LOC128462377: variants seen among roughly 807,000 people sequenced by gnomAD.
At chr16:89,406,415 C>T in the LOC128462377 span, among the ~76,000 whole-genome samples, 25 of 152,184 alleles carry the variant, frequency 1.6e-4, no homozygotes, top group African/African-American at 3.6e-4. Flanking sequence ...CTGAGACTTG[C>T]GGTCAGTCCT....
the LOC128462377 span, among the ~76,000 whole-genome samples, chr16:89,382,239 A>G: frequency 6.6e-6 from 1 of 152,124 alleles, no homozygotes; most frequent in South Asian, 2.1e-4. Context: ...GAGTGACCCA[A>G]GCAAAGTTAA....
the LOC128462377 span, among the ~76,000 whole-genome samples, chr16:89,355,273 G>C: frequency 1.3e-4 from 19 of 151,314 alleles, no homozygotes; most frequent in Non-Finnish European, 1.5e-5. Context: ...GGCGGGCAGA[G>C]GGCTCACACC....
At chr16:89,365,200 T>G in the LOC128462377 span, among the ~76,000 whole-genome samples, 7 of 152,226 alleles carry the variant, frequency 4.6e-5, no homozygotes, top group African/African-American at 9.7e-5. Context: ...ACTATCTTGT[T>G]GGCTGGTCAG....
At chr16:89,415,087 C>G in the LOC128462377 span, among the ~76,000 whole-genome samples, 1 of 151,736 alleles carries the variant, frequency 6.6e-6, no homozygotes, top group South Asian at 2.1e-4. Flanking sequence ...GTAGCTGAGA[C>G]CACAGGCGCA....
At chr16:89,407,969 C>G in the LOC128462377 span, among the ~76,000 whole-genome samples, 1 of 151,374 alleles carries the variant, frequency 6.6e-6, no homozygotes, top group African/African-American at 2.4e-5. Flanking sequence ...AAGTAAAGAA[C>G]AAACACATCT....
At chr16:89,327,372 G>A in the LOC128462377 span, among the ~76,000 whole-genome samples, 1 of 152,194 alleles carries the variant, frequency 6.6e-6, no homozygotes, top group Non-Finnish European at 1.5e-5. Context: ...AGAGTGACGT[G>A]CTGAGGGCTG....
the LOC128462377 span, among the ~76,000 whole-genome samples, chr16:89,345,023 C>T: frequency 5.3e-5 from 8 of 152,288 alleles, no homozygotes; most frequent in South Asian, 1.2e-3. Flanking sequence ...GCAGGAGGAA[C>T]GGCAAGGCCA....
the LOC128462377 span, among the ~76,000 whole-genome samples, chr16:89,404,321 A>C: frequency 2.1e-3 from 322 of 152,354 alleles, 1 homozygote; most frequent in African/African-American, 7.6e-3. Context: ...TGTGTAACTA[A>C]GGAAAATGGA....
chr16:89,339,250 CA>C, the LOC128462377 span, among the ~76,000 whole-genome samples: 1 of 152,196 alleles, frequency 6.6e-6, no homozygotes, highest in Non-Finnish European at 1.5e-5. Context: ...CTGTTTAGGT[CA>C]AAATCATGCA....
the LOC128462377 span, among the ~76,000 whole-genome samples, chr16:89,372,621 A>T: frequency 6.6e-6 from 1 of 152,218 alleles, no homozygotes; most frequent in African/African-American, 2.4e-5. Context: ...TACTGAAATT[A>T]AAAAATGTTT....
At chr16:89,381,621 T>C in the LOC128462377 span, among the ~76,000 whole-genome samples, 7 of 152,222 alleles carry the variant, frequency 4.6e-5, no homozygotes, top group African/African-American at 1.4e-4. Flanking sequence ...CGATGAAAGC[T>C]GTCAACATCC....
chr16:89,382,842 T>C, the LOC128462377 span, among the ~76,000 whole-genome samples: 4 of 152,152 alleles, frequency 2.6e-5, no homozygotes, highest in East Asian at 7.8e-4. Context: ...GAGTTTCCTT[T>C]GTTTGCCCAT....
At chr16:89,325,721 C>T in the LOC128462377 span, among the ~76,000 whole-genome samples, 3 of 152,270 alleles carry the variant, frequency 2.0e-5, no homozygotes, top group South Asian at 2.1e-4. Context: ...ACTGGGTGGA[C>T]GTTTGGGTTC....
chr16:89,372,405 C>T, the LOC128462377 span, among the ~76,000 whole-genome samples: 1 of 152,176 alleles, frequency 6.6e-6, no homozygotes, highest in Admixed American at 6.5e-5. Flanking sequence ...ACAGCACGGA[C>T]GGGGTCGACA....
the LOC128462377 span, among the ~76,000 whole-genome samples, chr16:89,394,206 C>T: frequency 6.6e-6 from 1 of 152,206 alleles, no homozygotes; most frequent in Admixed American, 6.5e-5. Flanking sequence ...ACCTGCTTCC[C>T]TCCACGACAT....
At chr16:89,354,125 A>G in the LOC128462377 span, among the ~76,000 whole-genome samples, 1 of 152,004 alleles carries the variant, frequency 6.6e-6, no homozygotes, top group Non-Finnish European at 1.5e-5. Flanking sequence ...AGGTCACTCC[A>G]CTGCTTCTAA....
At chr16:89,376,448 G>GT in the LOC128462377 span, among the ~76,000 whole-genome samples, 2 of 152,106 alleles carry the variant, frequency 1.3e-5, no homozygotes, top group African/African-American at 2.4e-5. Flanking sequence ...TTTTGTTTTT[G>GT]TTTTTTTGAG....
At chr16:89,319,298 C>T in the LOC128462377 span, among the ~76,000 whole-genome samples, 1 of 152,226 alleles carries the variant, frequency 6.6e-6, no homozygotes, top group Admixed American at 6.5e-5. Flanking sequence ...TGATTCTCTT[C>T]ATGTCCCTAG....
the LOC128462377 span, among the ~76,000 whole-genome samples, chr16:89,398,090 T>A: frequency 6.6e-6 from 1 of 151,586 alleles, no homozygotes; most frequent in Middle Eastern, 3.4e-3. Context: ...AGCTGAAGAT[T>A]ACCTGTAACC....
Sources: allele counts gnomAD v4.1 joint callset (sites outside exome capture counted in the v4.1 genomes callset), GRCh38; gene constraint gnomAD v4.1.1; transcripts MANE v1.5.